The following KIF3A variants were observed in gnomAD, a reference collection of about 807,000 sequenced individuals.
KIF3A encodes kinesin family member 3A, also known as kinesin-like protein KIF3A.
KIF3A carries 27 observed loss-of-function variants against 92.6 expected under a neutral mutation model. The observed-to-expected ratio is 0.29, with a 90% CI of 0.21 to 0.40. The LOEUF (loss-of-function observed/expected upper bound fraction) is 0.40. KIF3A is among the 10% of genes least tolerant of loss of function. The pLI is 1.00. For missense variants in KIF3A, 581 were observed against 872.6 expected (o/e 0.67, Z 4.21); for synonymous variants, 250 against 275.4 (o/e 0.91, Z 0.92).
At position 132,702,231 on chromosome 5, in the gene KIF3A, A is replaced by G. The variant is rs748509298; in HGVS notation, c.1759-19T>C. 6 of 1,611,466 alleles carry G rather than the reference A, an allele frequency of 3.7e-6. No individual in the cohort carries two copies. In the Admixed American group the frequency reaches 6.7e-5, roughly 18 times the overall value. On this transcript the variant is annotated intron_variant, in intron 14 of 18. Transcript: ENST00000403231. ...CAGCCATCTACCAGAAAATCCATAA[A>G]AATATTATGAACAAACAAGACTTTA...
intron 4 of KIF3A, chr5:132,722,937 A>C (rs1283627642): frequency 6.6e-6 from 1 of 152,226 alleles, no homozygotes; most frequent in African/African-American, 2.4e-5. Context: ...ACATATCTAA[A>C]TACTAGCATT....
At chr5:132,722,725 T>C (rs996695193) in intron 4 of KIF3A, among the ~76,000 whole-genome samples, 1 of 152,176 alleles carries the variant, frequency 6.6e-6, no homozygotes, top group African/African-American at 2.4e-5. Context: ...GAGGGAAGAA[T>C]TGTGCTTTAT....
chr5:132,724,599 C>A (rs1221752686), intron 4 of KIF3A, among the ~76,000 whole-genome samples: 1 of 151,178 alleles, frequency 6.6e-6, no homozygotes, highest in Non-Finnish European at 1.5e-5. Flanking sequence ...ACAATGAGAA[C>A]ACTTGGACAC....
At chr5:132,722,595 T>C (rs1363153086) in intron 4 of KIF3A, among the ~76,000 whole-genome samples, 1 of 152,228 alleles carries the variant, frequency 6.6e-6, no homozygotes, top group Non-Finnish European at 1.5e-5. Context: ...AAAAACTACT[T>C]ATAATTATCT....
At chr5:132,699,383 C>T (rs1752949784) in intron 17 of KIF3A, 88 bp from the exon 18 acceptor site, 1 of 1,326,410 alleles carries the variant, frequency 7.5e-7, no homozygotes, top group Non-Finnish European at 1.1e-6. Flanking sequence ...GAATAAACTC[C>T]TTGATCAAAC....
At chr5:132,688,935 G>A (rs1291063236), downstream of KIF3A, among the ~76,000 whole-genome samples, 3 of 152,190 alleles carry the variant, frequency 2.0e-5, no homozygotes, top group South Asian at 2.1e-4. Flanking sequence ...GGATGGGGGA[G>A]GGGAGCAGGT....
intron 4 of KIF3A, 93 bp downstream of exon 4, chr5:132,726,035 G>A: frequency 1.2e-6 from 1 of 810,426 alleles, no homozygotes; most frequent in Middle Eastern, 2.8e-4. Context: ...AATATAAAAA[G>A]CAACTTTTGT....
Position 132,720,623 on chromosome 5 carries a change from A to G in KIF3A, c.602T>C (p.Leu201Pro). 2 of 1,605,478 alleles carry G rather than the reference A, an allele frequency of 1.2e-6. No homozygotes were observed. Among genetic ancestry groups the G allele is most frequent in the Non-Finnish European group, 1.7e-6 (2 of 1,174,430 alleles). Residue 201 changes from leucine (L) to proline (P), a missense_variant, in exon 5 of 19, where the codon CTA (leucine) becomes CCA (proline). This residue lies in a region of KIF3A where 217 missense variants were observed against 299.7 expected (regional missense o/e 0.72). Coordinates refer to ENST00000403231, the MANE Select transcript of KIF3A (RefSeq NM_001300791.2). ...ACTATACTTACGATTTTTGTGGCCTAGCGTCATAATTCTATCCATATCATC... is the reference window on the plus strand; with the variant it reads ...ACTATACTTACGATTTTTGTGGCCTGGCGTCATAATTCTATCCATATCATC... ...NADDMDRIMTLGHKNRSVGAT... is the reference protein window; with the variant it reads ...NADDMDRIMTPGHKNRSVGAT...
intron 8 of KIF3A, 138 bp downstream of exon 8, chr5:132,715,619 A>C: frequency 1.7e-6 from 1 of 600,022 alleles, no homozygotes; most frequent in East Asian, 3.1e-5. Context: ...GTACCAAGTC[A>C]CTTTCTAGAA....
At chr5:132,730,689 G>A (rs1754198390) in intron 2 of KIF3A, among the ~76,000 whole-genome samples, 1 of 151,988 alleles carries the variant, frequency 6.6e-6, no homozygotes, top group Non-Finnish European at 1.5e-5. Context: ...CACCTACTCA[G>A]GGGGCTGAAG....
downstream of KIF3A, among the ~76,000 whole-genome samples, chr5:132,692,297 G>A (rs114642590): frequency 6.1e-3 from 933 of 152,304 alleles, 6 homozygotes; most frequent in Non-Finnish European, 0.01. Flanking sequence ...AGGGAGAAGA[G>A]CAGAAAAGAT....
At chr5:132,699,620 G>A (rs576980880) in intron 17 of KIF3A, 21 of 438,400 alleles carry the variant, frequency 4.8e-5, no homozygotes, top group Middle Eastern at 5.7e-4. Flanking sequence ...GTGCAGTAGC[G>A]CGATCTGGGC....
chr5:132,700,486 C>T (rs866655766), intron 16 of KIF3A, 161 bp downstream of exon 16: 2 of 654,604 alleles, frequency 3.1e-6, no homozygotes, highest in East Asian at 2.7e-5. Context: ...CTGTATGTTA[C>T]AATTAATTAC....
chr5:132,717,769 A>C (rs959295182), intron 5 of KIF3A, among the ~76,000 whole-genome samples: 1 of 152,164 alleles, frequency 6.6e-6, no homozygotes, highest in African/African-American at 2.4e-5. Context: ...AAAGTATTTT[A>C]AAGTTAATTT....
intron 2 of KIF3A, 27 bp downstream of exon 2, chr5:132,734,178 T>G (rs1473134703): frequency 6.4e-7 from 1 of 1,571,242 alleles, no homozygotes; most frequent in South Asian, 1.2e-5. Context: ...AATAAGGGAG[T>G]TTTTTAAAAA....
At chr5:132,733,994 A>G (rs1041684330) in intron 2 of KIF3A, among the ~76,000 whole-genome samples, 1 of 152,234 alleles carries the variant, frequency 6.6e-6, no homozygotes, top group Admixed American at 6.5e-5. Flanking sequence ...GACAGAAAGC[A>G]GATCAATAGT....
At chr5:132,697,041 A>G (rs1010335452) in intron 18 of KIF3A, among the ~76,000 whole-genome samples, 1 of 152,220 alleles carries the variant, frequency 6.6e-6, no homozygotes, top group African/African-American at 2.4e-5. Flanking sequence ...GTGCAAGTGG[A>G]TTCAGAGGAA....
At chr5:132,711,232 G>C (rs184098973) in intron 8 of KIF3A, among the ~76,000 whole-genome samples, 175 bp from the exon 9 acceptor site, 34 of 152,226 alleles carry the variant, frequency 2.2e-4, no homozygotes, top group Non-Finnish European at 4.1e-4. Flanking sequence ...ACACAGATGA[G>C]ATATCCAAAA....
intron 2 of KIF3A, 49 bp from the exon 3 acceptor site, chr5:132,726,547 G>C: frequency 1.3e-6 from 2 of 1,487,914 alleles, no homozygotes; most frequent in South Asian, 1.2e-5. Flanking sequence ...TAATGCTACA[G>C]AACAATAGCT....
Sources: gnomAD v4.1 joint callset for allele counts (sites outside exome capture counted in the v4.1 genomes callset) on GRCh38, gnomAD v4.1.1 for gene constraint, gnomAD v4.1.1 regional missense constraint, MANE v1.5 for transcripts, NCBI Gene and HGNC (gene_info 2026-07-23, HGNC 2026-07-21) for gene names.